The following VWC2 variants were observed in gnomAD, a reference collection of about 807,000 sequenced individuals.
The protein encoded by VWC2 is brorin.
In VWC2, 14 loss-of-function variants were observed where a neutral mutation model predicts 29.8. The ratio of observed to expected loss-of-function variants is 0.47; its 90% CI spans 0.31 to 0.74. The LOEUF (loss-of-function observed/expected upper bound fraction) is 0.74, where lower values mean the gene tolerates loss of function less well. VWC2 is among the 30% of genes least tolerant of loss of function. VWC2 has a pLI of 0.05. For synonymous variants in VWC2, 213 were observed against 199.0 expected, an observed-to-expected ratio of 1.07 and a Z score of -0.59; for missense variants, 457 against 459.8, an observed-to-expected ratio of 0.99 and a Z score of 0.05.
chr7:49,886,885 C>T (rs563525417), intron 3 of VWC2, among the ~76,000 whole-genome samples: 2 of 152,204 alleles, frequency 1.3e-5, no homozygotes, highest in South Asian at 4.1e-4. Flanking sequence ...TGTTGGACCT[C>T]GTAAGACTTC....
At chr7:49,901,101 T>G (rs962322673) in intron 3 of VWC2, 2 of 151,902 alleles carry the variant, frequency 1.3e-5, no homozygotes, top group African/African-American at 4.8e-5. Flanking sequence ...ACAAAAAACC[T>G]ACAACATCGT....
At position 49,914,062 on chromosome 7, in the gene VWC2, T is replaced by G. The variant is rs1793596489; in HGVS notation, c.*1877T>G. On this transcript the variant is annotated 3_prime_UTR_variant, in exon 4 of 4. Transcript: ENST00000340652. ...AAAATTTAACCTTTGTATTAAAGAC[T>G]GGTAGACATTGGCCATCCCTCCTTT... 6.6e-6 allele frequency: 1 copy of G among 152,248 alleles called. No homozygotes were observed. The highest frequency in any genetic ancestry group is 1.5e-5 in the Non-Finnish European group (1 of 68,038). The allele number at this position is 152,248 out of a possible 1,614,324, so 9.4% of individuals were successfully genotyped here.
chr7:49,854,713 T>C (rs1790344474), intron 3 of VWC2, among the ~76,000 whole-genome samples: 1 of 152,342 alleles, frequency 6.6e-6, no homozygotes, highest in East Asian at 1.9e-4. Context: ...AGCTCTTTAG[T>C]TTAATTAGAT....
chr7:49,901,436 T>A (rs1279405356), intron 3 of VWC2, among the ~76,000 whole-genome samples: 2 of 151,664 alleles, frequency 1.3e-5, no homozygotes, highest in African/African-American at 4.8e-5. Flanking sequence ...TAATTTAAAA[T>A]TAAATACATA....
chr7:49,811,346 A>C (rs1467345869), intron 3 of VWC2, among the ~76,000 whole-genome samples: 1 of 152,152 alleles, frequency 6.6e-6, no homozygotes, highest in African/African-American at 2.4e-5. Context: ...GAAATAGTGG[A>C]GGTGATTGAA....
intron 3 of VWC2, among the ~76,000 whole-genome samples, chr7:49,878,540 C>G (rs565875144): frequency 1.5e-4 from 23 of 152,220 alleles, no homozygotes; most frequent in African/African-American, 5.1e-4. Flanking sequence ...TTCACTGTCT[C>G]CTGACTCCCA....
chr7:49,809,874 A>G (rs1384932210), intron 3 of VWC2, among the ~76,000 whole-genome samples: 1 of 152,044 alleles, frequency 6.6e-6, no homozygotes, highest in African/African-American at 2.4e-5. Flanking sequence ...AACTTTCTCA[A>G]TTTGATAAAG....
chr7:49,802,314 C>T (rs1387652456), intron 2 of VWC2, among the ~76,000 whole-genome samples: 2 of 151,978 alleles, frequency 1.3e-5, no homozygotes, highest in East Asian at 3.9e-4. Flanking sequence ...TCCTAAAACA[C>T]TTAGGTGTCT....
intron 3 of VWC2, among the ~76,000 whole-genome samples, chr7:49,820,970 C>A (rs954944040): frequency 3.9e-5 from 6 of 152,196 alleles, no homozygotes; most frequent in African/African-American, 1.4e-4. Flanking sequence ...GCCTGCACCA[C>A]CTATGGAACT....
At chr7:49,859,788 GTGCA>G (rs10571154) in intron 3 of VWC2, among the ~76,000 whole-genome samples, 49,710 of 148,418 alleles carry the variant, frequency 0.33, 8,669 homozygotes, top group Middle Eastern at 0.41. Context: ...GTGCGCGTGC[GTGCA>G]CACACACACA....
chr7:49,897,495 AC>A (rs368038319), intron 3 of VWC2, among the ~76,000 whole-genome samples: 217 of 152,332 alleles, frequency 1.4e-3, no homozygotes, highest in African/African-American at 4.8e-3. Flanking sequence ...GTACTCAAAC[AC>A]TGATCAATAG....
intron 3 of VWC2, among the ~76,000 whole-genome samples, chr7:49,844,075 C>A (rs1199330838): frequency 2.6e-5 from 4 of 152,134 alleles, no homozygotes; most frequent in Non-Finnish European, 5.9e-5. Flanking sequence ...AGACTGAGGG[C>A]AGGTTTTGCT....
intron 2 of VWC2, among the ~76,000 whole-genome samples, chr7:49,795,050 C>T (rs186417327): frequency 3.3e-5 from 5 of 152,198 alleles, no homozygotes; most frequent in East Asian, 1.9e-4. Flanking sequence ...GTGAGTGACT[C>T]GTGTATTTCT....
intron 3 of VWC2, among the ~76,000 whole-genome samples, chr7:49,876,957 G>A (rs1391465134): frequency 6.6e-6 from 1 of 151,958 alleles, no homozygotes; most frequent in Non-Finnish European, 1.5e-5. Flanking sequence ...CTTTTGACAG[G>A]TCTTCAAGAT....
At chr7:49,860,422 G>T (rs1171585319) in intron 3 of VWC2, among the ~76,000 whole-genome samples, 8 of 152,284 alleles carry the variant, frequency 5.3e-5, no homozygotes, top group Admixed American at 5.2e-4. Context: ...TTGTAGCATG[G>T]ATTAGTGCTT....
chr7:49,885,978 AG>A (rs1389138801), intron 3 of VWC2, among the ~76,000 whole-genome samples: 8 of 152,258 alleles, frequency 5.3e-5, no homozygotes, highest in African/African-American at 1.9e-4. Flanking sequence ...GGAGAAAATC[AG>A]TTACATTTTT....
intron 3 of VWC2, among the ~76,000 whole-genome samples, chr7:49,818,287 C>A (rs1789192369): frequency 6.6e-6 from 1 of 152,178 alleles, no homozygotes; most frequent in Admixed American, 6.5e-5. Context: ...AGCCCTTCAA[C>A]ACTAAAAATC....
chr7:49,776,610 T>C (rs1788059943), intron 2 of VWC2, among the ~76,000 whole-genome samples: 1 of 152,224 alleles, frequency 6.6e-6, no homozygotes, highest in Non-Finnish European at 1.5e-5. Context: ...GCAAATGTTC[T>C]AAAAATTAAA....
chr7:49,892,096 G>A (rs35915360), intron 3 of VWC2, among the ~76,000 whole-genome samples: 35,064 of 135,334 alleles, frequency 0.26, 5,450 homozygotes, highest in Non-Finnish European at 0.36. Flanking sequence ...CCAGGCGGGA[G>A]TGCAGTGGCG....
Sources: allele counts gnomAD v4.1 joint callset (sites outside exome capture counted in the v4.1 genomes callset), GRCh38; gene constraint gnomAD v4.1.1; transcripts MANE v1.5; gene names NCBI Gene and HGNC (gene_info 2026-07-23, HGNC 2026-07-21).